The following VAT1L variants were observed in gnomAD, a reference collection of about 807,000 sequenced individuals.
The protein encoded by VAT1L is putative NADPH-dependent quinone oxidoreductase VAT1L.
Under a neutral mutation model 44.1 loss-of-function variants are expected in VAT1L, and 34 were observed. That is an observed-to-expected ratio of 0.77 (90% CI 0.59 to 1.03). The LOEUF is 1.03. Ranked by LOEUF, VAT1L falls within the 50% of genes least tolerant of loss-of-function variation. The pLI, the probability that VAT1L is intolerant of heterozygous loss-of-function variation, is 0.00. For synonymous variants in VAT1L, 253 were observed against 202.2 expected, an observed-to-expected ratio of 1.25 and a Z score of -2.13; for missense variants, 615 against 538.8, an observed-to-expected ratio of 1.14 and a Z score of -1.40.
At chr16:77,952,410 C>G (rs1160198706) in intron 7 of VAT1L, among the ~76,000 whole-genome samples, 1 of 152,070 alleles carries the variant, frequency 6.6e-6, no homozygotes, top group Non-Finnish European at 1.5e-5. Context: ...AGAGTTCACA[C>G]CAGACCTGGT....
At chr16:77,887,032 T>C (rs1275215915) in intron 7 of VAT1L, among the ~76,000 whole-genome samples, 1 of 152,180 alleles carries the variant, frequency 6.6e-6, no homozygotes, top group East Asian at 1.9e-4. Context: ...ATCATGCTTA[T>C]TGAGAATGCA....
At chr16:77,835,800 G>A (rs572485869) in intron 3 of VAT1L, among the ~76,000 whole-genome samples, 1 of 152,068 alleles carries the variant, frequency 6.6e-6, no homozygotes, top group Non-Finnish European at 1.5e-5. Context: ...TTGAACCCCG[G>A]AGGCGGAGGT....
Position 77,930,571 on chromosome 16 carries a change from C to T in VAT1L, c.1078-41279C>T, listed in dbSNP as rs145799757. On this transcript the variant is annotated intron_variant, in intron 7 of 8. Transcript: ENST00000302536. ...AACGTTCTTGACAGGTTCCAGGGCC[C>T]GTGCCCCGCTTATATCTCAAGGTAG... Among the ~76,000 whole-genome samples the T allele has an allele frequency of 1.1e-4, 17 of 152,250 alleles. No individual in the cohort carries two copies. The East Asian group carries it at 2.7e-3, about 24-fold the overall frequency.
At chr16:77,963,524 T>C (rs2018187148) in intron 7 of VAT1L, among the ~76,000 whole-genome samples, 1 of 151,864 alleles carries the variant, frequency 6.6e-6, no homozygotes. Context: ...TCCAGAACGG[T>C]AAGATAATAA....
chr16:77,959,045 C>T lies in VAT1L; in HGVS notation c.1078-12805C>T, dbSNP rs141622363. 1.6e-3 allele frequency among the ~76,000 whole-genome samples: 243 copies of T among 152,312 alleles called. 1 individual carries two copies. Among genetic ancestry groups the T allele is most frequent in the Middle Eastern group, 0.014 (4 of 294 alleles). ...AGCTAGGGTATAAAATGTAAGGCAG[C>T]GCTCACTTTCAGGTGCTGATCCTGC... On this transcript the variant is annotated intron_variant, in intron 7 of 8. Coordinates refer to ENST00000302536, the MANE Select transcript of VAT1L (RefSeq NM_020927.3).
rs2018384081 is a variant in VAT1L at position 77,980,099 on chromosome 16, A to C, written c.*2404A>C. On this transcript the variant is annotated 3_prime_UTR_variant, in exon 9 of 9. Coordinates refer to ENST00000302536, the MANE Select transcript of VAT1L (RefSeq NM_020927.3). ...ATATAAATAAAGTATTCAGCATAGC[A>C]AAACCTCACCTGGCATCTGCTATTC... The C allele has an allele frequency of 6.5e-6, 1 of 152,710 alleles. No homozygotes were observed. Among genetic ancestry groups the C allele is most frequent in the Non-Finnish European group, 1.5e-5 (1 of 68,054 alleles). The allele number at this position is 152,710 out of a possible 1,614,324, so 9.5% of individuals were successfully genotyped here.
chr16:77,893,639 T>C (rs1597086608), intron 7 of VAT1L, among the ~76,000 whole-genome samples: 1 of 152,236 alleles, frequency 6.6e-6, no homozygotes, highest in Admixed American at 6.5e-5. Context: ...CGCTAAGTAC[T>C]AGGCATTGTT....
chr16:77,814,129 T>C (rs980982875), intron 1 of VAT1L, among the ~76,000 whole-genome samples: 3 of 152,158 alleles, frequency 2.0e-5, no homozygotes, highest in African/African-American at 7.2e-5. Flanking sequence ...AGGAGGAGTA[T>C]TGATGAGTCT....
chr16:77,933,690 C>T (rs866869622), intron 7 of VAT1L, among the ~76,000 whole-genome samples: 3 of 152,136 alleles, frequency 2.0e-5, no homozygotes, highest in South Asian at 4.1e-4. Context: ...AGGTCTTAAG[C>T]AGAGCTGGAA....
chr16:77,845,746 TC>T (rs2145263626), intron 3 of VAT1L, among the ~76,000 whole-genome samples: 1 of 152,284 alleles, frequency 6.6e-6, no homozygotes, highest in African/African-American at 2.4e-5. Flanking sequence ...CTCCCCTTTT[TC>T]CTCTGCCTGG....
chr16:77,897,207 T>C (rs768475322), intron 7 of VAT1L, among the ~76,000 whole-genome samples: 1 of 152,218 alleles, frequency 6.6e-6, no homozygotes, highest in Non-Finnish European at 1.5e-5. Flanking sequence ...TCCTGGCAGA[T>C]AAACATGCTG....
chr16:77,903,461 C>A (rs1037623937), intron 7 of VAT1L, among the ~76,000 whole-genome samples: 10 of 152,042 alleles, frequency 6.6e-5, no homozygotes, highest in Non-Finnish European at 1.2e-4. Context: ...ATACATAACA[C>A]CTATAATAGA....
At position 77,977,615 on chromosome 16, in the gene VAT1L, G is replaced by A. The variant is rs375418001; in HGVS notation, c.1180G>A (p.Glu394Lys). Reference protein sequence around the residue: ...PTPLMANDSTETSEAGEEEED... With the variant: ...PTPLMANDSTKTSEAGEEEED... ...ATTACAGATGGCCAATGACAGCACAGAGACCAGTGAAGCAGGGGAAGAGGA... is the reference window on the plus strand; with the variant it reads ...ATTACAGATGGCCAATGACAGCACAAAGACCAGTGAAGCAGGGGAAGAGGA... Residue 394 changes from glutamate to lysine, a missense_variant, in exon 9 of 9, where the codon GAG (glutamate) becomes AAG (lysine). By Grantham distance (56) the Glu-to-Lys change is moderately conservative. Coordinates refer to ENST00000302536, the MANE Select transcript of VAT1L (RefSeq NM_020927.3). 6.2e-6 allele frequency: 10 copies of A among 1,614,126 alleles called. No homozygotes were observed. Among genetic ancestry groups the A allele is most frequent in the Non-Finnish European group, 8.5e-6 (10 of 1,179,990 alleles).
intron 7 of VAT1L, among the ~76,000 whole-genome samples, chr16:77,935,975 G>A (rs903647902): frequency 1.3e-5 from 2 of 152,116 alleles, no homozygotes; most frequent in Non-Finnish European, 2.9e-5. Flanking sequence ...AGAGCATCCT[G>A]CTTCTCTCTC....
At chr16:77,812,283 G>T (rs2145229463) in intron 1 of VAT1L, among the ~76,000 whole-genome samples, 1 of 152,222 alleles carries the variant, frequency 6.6e-6, no homozygotes, top group Admixed American at 6.5e-5. Flanking sequence ...GTGTTGGCCA[G>T]GCTGGTCTCG....
At chr16:77,833,762 A>G (rs988367422) in intron 3 of VAT1L, among the ~76,000 whole-genome samples, 1 of 151,770 alleles carries the variant, frequency 6.6e-6, no homozygotes, top group Non-Finnish European at 1.5e-5. Context: ...AAAAAAAAGA[A>G]AAAGAAAAAA....
At chr16:77,863,123 G>A (rs997266167) in intron 4 of VAT1L, among the ~76,000 whole-genome samples, 9 of 152,198 alleles carry the variant, frequency 5.9e-5, no homozygotes, top group Non-Finnish European at 7.3e-5. Context: ...ATGTATTAAA[G>A]TTACGCTAGC....
chr16:77,969,694 G>C (rs577775127), intron 7 of VAT1L, among the ~76,000 whole-genome samples: 5 of 152,112 alleles, frequency 3.3e-5, no homozygotes, highest in South Asian at 2.1e-4. Flanking sequence ...CAAGTCACTA[G>C]GTGTAGCCCA....
In VAT1L at chr16:77,879,694, A is replaced by G. The variant is rs1417609002; in HGVS notation, c.882+470A>G. 2.6e-5 allele frequency among the ~76,000 whole-genome samples: 4 copies of G among 152,238 alleles called. No homozygotes were observed. Among genetic ancestry groups the G allele is most frequent in the Non-Finnish European group, 5.9e-5 (4 of 68,040 alleles). ...CTATTCCCTGCAAATGGTCAGGACC[A>G]GAATTTAGACTACTTTTGTCTAAAT... On this transcript the variant is annotated intron_variant, in intron 6 of 8. Transcript: ENST00000302536. The surrounding 1 kb of genome is among the most constrained non-coding windows in gnomAD (Gnocchi z 4.1).
Sources: allele counts gnomAD v4.1 joint callset (sites outside exome capture counted in the v4.1 genomes callset), GRCh38; gene constraint gnomAD v4.1.1; non-coding constraint Gnocchi (gnomAD v3.1); transcripts MANE v1.5; gene names NCBI Gene and HGNC (gene_info 2026-07-23, HGNC 2026-07-21).